The following MRPS28 variants were observed in gnomAD, a reference collection of about 807,000 sequenced individuals.
MRPS28 encodes the protein small ribosomal subunit protein bS1m.
MRPS28 carries 7 observed loss-of-function variants against 10.8 expected under a neutral mutation model. The ratio of observed to expected loss-of-function variants is 0.65; its 90% confidence interval spans 0.37 to 1.22. The LOEUF (loss-of-function observed/expected upper bound fraction) is 1.22. Ranked by LOEUF, MRPS28 falls within the 50% of genes most tolerant of loss-of-function variation. MRPS28 has a pLI of 0.02. For synonymous variants in MRPS28, 121 were observed against 93.3 expected (o/e 1.30, Z -1.71); for missense variants, 265 against 232.9 (o/e 1.14, Z -0.90).
chr8:79,995,549 T>C (rs920513776), intron 2 of MRPS28, among the ~76,000 whole-genome samples: 5 of 152,190 alleles, frequency 3.3e-5, no homozygotes, highest in Admixed American at 2.0e-4. Flanking sequence ...GGCACCTTGA[T>C]TGGTTCAACA....
intron 2 of MRPS28, among the ~76,000 whole-genome samples, chr8:79,937,396 G>C (rs942430010): frequency 1.3e-5 from 2 of 152,100 alleles, no homozygotes; most frequent in African/African-American, 4.8e-5. Flanking sequence ...TGAGCGACTG[G>C]GGGCAGAAAA....
chr8:79,952,091 T>G (rs1397028749), intron 2 of MRPS28, among the ~76,000 whole-genome samples: 7 of 152,222 alleles, frequency 4.6e-5, no homozygotes, highest in Admixed American at 4.6e-4. Flanking sequence ...CGGAAAAGAA[T>G]GCCCATTCCT....
chr8:79,960,849 A>C (rs1434054698), intron 2 of MRPS28, among the ~76,000 whole-genome samples: 1 of 152,012 alleles, frequency 6.6e-6, no homozygotes, highest in Non-Finnish European at 1.5e-5. Flanking sequence ...AAAAGAAAGC[A>C]CCCTTTTAAG....
In MRPS28 at chr8:79,952,380, T is replaced by C. The variant is rs79261033; in HGVS notation, c.396-33232A>G. 1.0e-2 allele frequency among the ~76,000 whole-genome samples: 1,516 copies of C among 152,304 alleles called. 12 individuals are homozygous for C. Among genetic ancestry groups the C allele is most frequent in the African/African-American group, 0.014 (600 of 41,558 alleles). ...CCTTCCAAAATTAAGTAGATCATCA[T>C]TAGCTGAAAATAATGTAAGTGAAGA... On this transcript the variant is annotated intron_variant, in intron 2 of 2. Coordinates refer to ENST00000276585, the MANE Select transcript of MRPS28 (RefSeq NM_014018.3).
chr8:79,990,340 T>TA (rs1422605670), intron 2 of MRPS28, among the ~76,000 whole-genome samples: 1 of 152,148 alleles, frequency 6.6e-6, no homozygotes, highest in Non-Finnish European at 1.5e-5. Flanking sequence ...CAGGCTCTTC[T>TA]AGCTTTCTGT....
chr8:79,974,396 C>T lies in MRPS28; in HGVS notation c.395+28603G>A, dbSNP rs193052587. The stretch of plus-strand genomic sequence containing the variant: ...TCTACTAAAAATACAAAAAATTAGC[C>T]AGGCGTGGTGGTGGGCGCCTGTAGT... On this transcript the variant is annotated intron_variant, in intron 2 of 2. Transcript: ENST00000276585. 6.3e-3 allele frequency among the ~76,000 whole-genome samples: 952 copies of T among 151,820 alleles called. 5 individuals are homozygous for T. Among genetic ancestry groups the T allele is most frequent in the Non-Finnish European group, 9.7e-3 (658 of 67,932 alleles).
rs115830285 is a variant in MRPS28, at chr8:80,000,515, A to T, written c.395+2484T>A. Among the ~76,000 whole-genome samples the T allele has an allele frequency of 5.6e-3, 856 of 152,264 alleles. 10 individuals carry two copies. Among genetic ancestry groups the T allele is most frequent in the African/African-American group, 0.02 (827 of 41,550 alleles). ...CTTTTATGACTGCTTCACTGGGGGG[A>T]GAACAGACAGAGATGGAGGTTTCAA... is the stretch of plus-strand genomic sequence containing the variant. On this transcript the variant is annotated intron_variant, in intron 2 of 2. Coordinates refer to ENST00000276585, the MANE Select transcript of MRPS28 (RefSeq NM_014018.3).
At chr8:79,998,015 A>G (rs1233763226) in intron 2 of MRPS28, among the ~76,000 whole-genome samples, 2 of 151,394 alleles carry the variant, frequency 1.3e-5, no homozygotes, top group Admixed American at 6.6e-5. Flanking sequence ...AGATCATGCC[A>G]CTGCACTCCA....
chr8:79,940,780 T>C (rs1806744611), intron 2 of MRPS28, among the ~76,000 whole-genome samples: 1 of 152,232 alleles, frequency 6.6e-6, no homozygotes, highest in Non-Finnish European at 1.5e-5. Context: ...AGGAGGTGTA[T>C]TGTACTAGAC....
Position 79,918,759 on chromosome 8 carries a change from G to A in MRPS28, c.*221C>T. 4.7e-6 allele frequency: 1 copy of A among 212,928 alleles called. No homozygotes were observed. The highest frequency in any genetic ancestry group is 8.5e-6 in the Non-Finnish European group (1 of 118,046). 13.2% of individuals were successfully genotyped at this position (212,928 alleles called of 1,614,324 possible). A position where few individuals can be genotyped will look rare whatever the true frequency, so the allele number is the denominator to read the frequency against. ...GTATTTATTGAATGACAATTTCTTAGTACAGTGTATACTATCCCCACCAAA... is the reference window on the plus strand; with the variant it reads ...GTATTTATTGAATGACAATTTCTTAATACAGTGTATACTATCCCCACCAAA... On this transcript the variant is annotated 3_prime_UTR_variant, in exon 3 of 3. Transcript: ENST00000276585.
chr8:80,007,726 G>A (rs1448860546), intron 1 of MRPS28, among the ~76,000 whole-genome samples: 2 of 152,102 alleles, frequency 1.3e-5, no homozygotes, highest in Non-Finnish European at 2.9e-5. Context: ...GGACGTGAAG[G>A]ACCTCTTCAA....
At chr8:79,923,539 A>AT (rs954587615) in intron 2 of MRPS28, among the ~76,000 whole-genome samples, 40 of 152,120 alleles carry the variant, frequency 2.6e-4, no homozygotes, top group African/African-American at 7.0e-4. Context: ...TATTTTTTAC[A>AT]TTTTTTTTAA....
chr8:79,966,583 A>G (rs1041242611), intron 2 of MRPS28, among the ~76,000 whole-genome samples: 4 of 152,132 alleles, frequency 2.6e-5, no homozygotes, highest in Admixed American at 6.6e-5. Flanking sequence ...GTAACTCATC[A>G]GTCAAAAAAT....
chr8:79,973,581 T>C (rs1807695461), intron 2 of MRPS28, among the ~76,000 whole-genome samples: 1 of 151,802 alleles, frequency 6.6e-6, no homozygotes, highest in Non-Finnish European at 1.5e-5. Context: ...GTCTCCGGAG[T>C]AGCTACAACT....
At chr8:79,971,852 G>A (rs1204477206) in intron 2 of MRPS28, among the ~76,000 whole-genome samples, 3 of 151,884 alleles carry the variant, frequency 2.0e-5, no homozygotes, top group African/African-American at 7.3e-5. Context: ...TGGGAGACAC[G>A]CCACCACGTC....
chr8:80,029,948 T>C, intron 1 of MRPS28, 88 bp downstream of exon 1: 2 of 1,540,760 alleles, frequency 1.3e-6, no homozygotes, highest in Non-Finnish European at 1.7e-6. Flanking sequence ...CTCCCCTTCC[T>C]AAGCCAGGCT....
intron 1 of MRPS28, among the ~76,000 whole-genome samples, chr8:80,023,945 A>G (rs1809434054): frequency 6.6e-6 from 1 of 152,148 alleles, no homozygotes; most frequent in South Asian, 2.1e-4. Flanking sequence ...AATGAATGGG[A>G]CGGCCTGGTG....
intron 2 of MRPS28, among the ~76,000 whole-genome samples, chr8:79,969,155 T>C (rs1016015207): frequency 2.6e-5 from 4 of 152,214 alleles, no homozygotes; most frequent in African/African-American, 9.6e-5. Context: ...AGAGTTCCCC[T>C]TGTTAGTTGT....
At chr8:80,008,151 T>C (rs1808916627) in intron 1 of MRPS28, among the ~76,000 whole-genome samples, 1 of 152,134 alleles carries the variant, frequency 6.6e-6, no homozygotes. Context: ...TTGACAAACC[T>C]GACAAAAACA....
Sources: allele counts gnomAD v4.1 joint callset (sites outside exome capture counted in the v4.1 genomes callset), GRCh38; gene constraint gnomAD v4.1.1; transcripts MANE v1.5; gene names NCBI Gene and HGNC (gene_info 2026-07-23, HGNC 2026-07-21).